The following FAT3 variants were observed in gnomAD, a reference collection of about 807,000 sequenced individuals.
FAT3 encodes protocadherin Fat 3.
FAT3 carries 95 observed loss-of-function variants against 310.2 expected under a neutral mutation model. That is an observed-to-expected ratio of 0.31 (90% confidence interval 0.26 to 0.36). The LOEUF is 0.36. Ranked by LOEUF, FAT3 falls within the 10% of genes least tolerant of loss-of-function variation. The pLI is 1.00. For synonymous variants in FAT3, 2,314 were observed against 2,192.9 expected, an observed-to-expected ratio of 1.06 and a Z score of -1.54; for missense variants, 5,408 against 5,715.6, an observed-to-expected ratio of 0.95 and a Z score of 1.74.
At chr11:92,781,531 A>G (rs1946753178) in intron 7 of FAT3, among the ~76,000 whole-genome samples, 2 of 152,116 alleles carry the variant, frequency 1.3e-5, no homozygotes, top group Admixed American at 6.6e-5. Flanking sequence ...AAAATCATAT[A>G]CGAGTCCAGG....
At chr11:92,370,287 C>T (rs1307020088) in intron 2 of FAT3, among the ~76,000 whole-genome samples, 1 of 152,048 alleles carries the variant, frequency 6.6e-6, no homozygotes, top group Non-Finnish European at 1.5e-5. Flanking sequence ...TTGACTAAAC[C>T]CTAGATAAAG....
intron 4 of FAT3, among the ~76,000 whole-genome samples, chr11:92,700,813 T>C (rs185519473): frequency 3.9e-5 from 6 of 152,194 alleles, no homozygotes; most frequent in Non-Finnish European, 8.8e-5. Flanking sequence ...CTCTCTCTTA[T>C]GCACACTGTC....
intron 2 of FAT3, among the ~76,000 whole-genome samples, chr11:92,477,447 AATT>A (rs1363884411): frequency 1.3e-5 from 2 of 152,142 alleles, no homozygotes. Flanking sequence ...CTTTTTGGAT[AATT>A]ATTGTTTCTG....
intron 19 of FAT3, among the ~76,000 whole-genome samples, chr11:92,847,326 T>C (rs1316886810): frequency 6.6e-6 from 1 of 152,232 alleles, no homozygotes; most frequent in Admixed American, 6.5e-5. Context: ...AGTAGCATGC[T>C]GTACAAGCCT....
intron 4 of FAT3, among the ~76,000 whole-genome samples, chr11:92,746,511 A>G (rs1302422121): frequency 1.3e-5 from 2 of 152,204 alleles, no homozygotes; most frequent in African/African-American, 4.8e-5. Context: ...TGGCCAAATC[A>G]TATCATTCCA....
At chr11:92,686,939 A>G (rs1413198237) in intron 3 of FAT3, among the ~76,000 whole-genome samples, 1 of 152,176 alleles carries the variant, frequency 6.6e-6, no homozygotes, top group African/African-American at 2.4e-5. Context: ...CTGTTTTCAC[A>G]CCTCAAGTGT....
intron 1 of FAT3, among the ~76,000 whole-genome samples, chr11:92,289,535 A>C (rs1242615645): frequency 6.8e-6 from 1 of 147,598 alleles, no homozygotes; most frequent in Non-Finnish European, 1.5e-5. Context: ...ACACACACAC[A>C]CATATATATG....
At chr11:92,623,517 A>G (rs1941184120) in intron 3 of FAT3, among the ~76,000 whole-genome samples, 1 of 152,228 alleles carries the variant, frequency 6.6e-6, no homozygotes, top group Non-Finnish European at 1.5e-5. Context: ...GAATGGAAAT[A>G]TGCATGTTGA....
intron 1 of FAT3, among the ~76,000 whole-genome samples, chr11:92,325,210 AC>A (rs747003689): frequency 3.3e-5 from 5 of 152,290 alleles, no homozygotes; most frequent in South Asian, 2.1e-4. Context: ...ACAGCTCCAA[AC>A]AGTTGGTGGG....
chr11:92,236,703 A>G (rs1864433403), intron 1 of FAT3, among the ~76,000 whole-genome samples: 1 of 152,186 alleles, frequency 6.6e-6, no homozygotes, highest in Non-Finnish European at 1.5e-5. Context: ...CATAATTCAT[A>G]ATATTGGAGT....
chr11:92,254,366 C>T (rs1011129334), intron 1 of FAT3, among the ~76,000 whole-genome samples: 1 of 152,112 alleles, frequency 6.6e-6, no homozygotes, highest in Non-Finnish European at 1.5e-5. Context: ...ATTTTATTCA[C>T]CAGACTGTTA....
intron 1 of FAT3, among the ~76,000 whole-genome samples, chr11:92,249,638 A>G (rs956222799): frequency 6.6e-6 from 1 of 152,100 alleles, no homozygotes; most frequent in African/African-American, 2.4e-5. Flanking sequence ...TATCACAGTA[A>G]CAAAGAACTT....
rs1565252877 is a variant in FAT3, at chr11:92,355,114, A to G, written c.3002A>G (p.Glu1001Gly). 6.2e-7 allele frequency: 1 copy of G among 1,613,796 alleles called. No homozygotes were observed. ...AIRLSKELDY[E>G]KQQFYNLTVR... ...CGCTTGAGCAAAGAGCTTGATTATG[A>G]GAAACAGCAGTTCTATAACCTTACT... The change falls in exon 2 of 28, where the codon GAG becomes GGG. Residue 1001 changes from glutamate (E) to glycine (G), a missense_variant. Around this residue, in one of 5 missense-constraint regions of FAT3, gnomAD observed 4,588 missense variants for 4,809.8 expected, o/e 0.95. Transcript: ENST00000525166.
In FAT3 at chr11:92,799,362, G is replaced by A; in HGVS notation, c.6349G>A (p.Gly2117Arg). Residue 2117 changes from glycine (G) to arginine (R), a missense_variant, in exon 10 of 28, where the codon GGA becomes AGA. By Grantham distance (125) the Gly-to-Arg change is moderately radical. Coordinates refer to ENST00000525166, the MANE Select transcript of FAT3 (RefSeq NM_001367949.2). ...TAIDKDKGPN[G>R]EVTYVLQDDY... ...CATTGACAAAGATAAAGGTCCAAATGGAGAAGTGACCTATGTCCTGCAGGA... is the reference window on the plus strand; with the variant it reads ...CATTGACAAAGATAAAGGTCCAAATAGAGAAGTGACCTATGTCCTGCAGGA... 6.2e-7 allele frequency: 1 copy of A among 1,613,890 alleles called. No homozygotes were observed. The highest frequency in any genetic ancestry group is 1.1e-5 in the South Asian group (1 of 91,064).
At chr11:92,243,328 G>T (rs1864743993) in intron 1 of FAT3, among the ~76,000 whole-genome samples, 1 of 152,010 alleles carries the variant, frequency 6.6e-6, no homozygotes, top group Non-Finnish European at 1.5e-5. Flanking sequence ...CATTACCACA[G>T]ATGATTCAAT....
intron 13 of FAT3, among the ~76,000 whole-genome samples, chr11:92,816,617 G>T (rs1947832536): frequency 6.6e-6 from 1 of 152,216 alleles, no homozygotes; most frequent in South Asian, 2.1e-4. Flanking sequence ...GTCAGAGAAG[G>T]TGACATCACT....
intron 3 of FAT3, among the ~76,000 whole-genome samples, chr11:92,635,043 C>T (rs531557544): frequency 1.3e-4 from 20 of 152,238 alleles, no homozygotes; most frequent in African/African-American, 4.3e-4. Flanking sequence ...ACCTTGATAT[C>T]GGACTTCTAG....
intron 3 of FAT3, among the ~76,000 whole-genome samples, chr11:92,561,265 G>A (rs1955216365): frequency 2.8e-5 from 1 of 35,700 alleles, no homozygotes; most frequent in East Asian, 3.6e-3. Context: ...GTGTGTGTGT[G>A]TGTGTGTGTG....
chr11:92,386,404 G>A (rs1295575891), intron 2 of FAT3, among the ~76,000 whole-genome samples: 2 of 152,216 alleles, frequency 1.3e-5, no homozygotes, highest in Admixed American at 6.5e-5. Flanking sequence ...TTCAATAAAC[G>A]ATTGTTGAAA....
Sources: gnomAD v4.1 joint callset for allele counts (sites outside exome capture counted in the v4.1 genomes callset) on GRCh38, gnomAD v4.1.1 for gene constraint, gnomAD v4.1.1 regional missense constraint, MANE v1.5 for transcripts, NCBI Gene and HGNC (gene_info 2026-07-23, HGNC 2026-07-21) for gene names.